Variants in TACC1 observed in about 807,000 individuals in gnomAD.
TACC1 encodes the protein transforming acidic coiled-coil containing protein 1, also known as transforming acidic coiled-coil-containing protein 1.
In TACC1, 48 loss-of-function variants were observed where a neutral mutation model predicts 84.4. The ratio of observed to expected loss-of-function variants is 0.57; its 90% CI spans 0.45 to 0.72. The LOEUF (loss-of-function observed/expected upper bound fraction) is 0.72. Among genes scored for constraint, TACC1 ranks in the 30% least tolerant of loss-of-function variants. The pLI is 0.00. For missense variants in TACC1, 920 were observed against 973.0 expected (o/e 0.95, Z 0.72); for synonymous variants, 372 against 376.3 (o/e 0.99, Z 0.13).
chr8:38,814,662 A>G (rs1825009015), intron 2 of TACC1, among the ~76,000 whole-genome samples: 1 of 152,248 alleles, frequency 6.6e-6, no homozygotes, highest in South Asian at 2.1e-4. Context: ...TAAGCAACAC[A>G]TAACTGTATT....
At chr8:38,783,094 CTATCTATCTATCTATA>C (rs199882241), upstream of TACC1, among the ~76,000 whole-genome samples, 564 of 116,778 alleles carry the variant, frequency 4.8e-3, 17 homozygotes, top group East Asian at 0.084. Flanking sequence ...ATCTATCTAT[CTATCTATCTATCTATA>C]TATATATATA....
intron 3 of TACC1, among the ~76,000 whole-genome samples, chr8:38,755,033 G>T (rs1306460583): frequency 6.6e-6 from 1 of 152,004 alleles, no homozygotes; most frequent in African/African-American, 2.4e-5. Context: ...GATGGTGCGC[G>T]CCTGTAGTCA....
chr8:38,832,461 T>C (rs867674250), intron 6 of TACC1, among the ~76,000 whole-genome samples: 3 of 152,376 alleles, frequency 2.0e-5, no homozygotes, highest in Middle Eastern at 3.4e-3. Context: ...TAATTTCTGC[T>C]TCCTTAGAAC....
At chr8:38,791,191 G>C (rs1341805995) in intron 2 of TACC1, among the ~76,000 whole-genome samples, 1 of 152,014 alleles carries the variant, frequency 6.6e-6, no homozygotes. Context: ...GGATGACCTA[G>C]GCCCCCAAAA....
intron 1 of TACC1, among the ~76,000 whole-genome samples, chr8:38,734,492 G>A (rs890597865): frequency 2.6e-5 from 4 of 152,142 alleles, no homozygotes; most frequent in African/African-American, 7.2e-5. Flanking sequence ...CACACGCCTG[G>A]CCATAAGCCT....
At chr8:38,792,728 G>C (rs544062548) in intron 2 of TACC1, among the ~76,000 whole-genome samples, 3 of 152,142 alleles carry the variant, frequency 2.0e-5, no homozygotes, top group African/African-American at 7.2e-5. Context: ...GCCTCCCAAA[G>C]TGCTGGGATT....
exon 2 of TACC1, chr8:38,742,449 A>G: frequency 6.5e-7 from 1 of 1,529,196 alleles, no homozygotes; most frequent in African/African-American, 1.4e-5. Flanking sequence ...CAAACCATCA[A>G]AGGTAATTCT....
At position 38,787,751 on chromosome 8, in the gene TACC1, C is replaced by T. The variant is rs1452397220; in HGVS notation, c.161+8C>T. ...CAAATCCTTGAGTTTCAGGCAAGTA[C>T]ACGGCGTCCCCGCTGAGATGCAGAC... On this transcript the variant is annotated splice_region_variant and intron_variant, in intron 1 of 12. Transcript: ENST00000317827. The T allele has an allele frequency of 1.3e-6, 2 of 1,521,556 alleles. No homozygotes were observed. Among genetic ancestry groups the T allele is most frequent in the Non-Finnish European group, 1.7e-6 (2 of 1,143,288 alleles). The allele number at this position is 1,521,556 out of a possible 1,614,324, so 94.3% of individuals were successfully genotyped here.
chr8:38,778,389 GT>G (rs1172437621), intron 3 of TACC1, among the ~76,000 whole-genome samples: 5 of 152,076 alleles, frequency 3.3e-5, no homozygotes, highest in African/African-American at 9.7e-5. Flanking sequence ...GTTTTATCCA[GT>G]TTCCAACAGT....
chr8:38,830,178 T>G (rs940969655), intron 5 of TACC1, among the ~76,000 whole-genome samples: 1 of 152,258 alleles, frequency 6.6e-6, no homozygotes, highest in African/African-American at 2.4e-5. Flanking sequence ...TAGTAGTTAG[T>G]GATTGCCATG....
intron 3 of TACC1, among the ~76,000 whole-genome samples, chr8:38,770,807 ACT>A (rs1343374767): frequency 6.6e-6 from 1 of 151,928 alleles, no homozygotes; most frequent in Admixed American, 6.6e-5. Flanking sequence ...AGTCGGGGGA[ACT>A]CTTTAAATGC....
At chr8:38,766,262 T>A (rs1812228204) in intron 3 of TACC1, among the ~76,000 whole-genome samples, 1 of 152,262 alleles carries the variant, frequency 6.6e-6, no homozygotes, top group Non-Finnish European at 1.5e-5. Flanking sequence ...TTTCATTGTT[T>A]GTACAATTGT....
chr8:38,798,553 T>C (rs1346006433), intron 2 of TACC1, among the ~76,000 whole-genome samples: 1 of 151,096 alleles, frequency 6.6e-6, no homozygotes, highest in Non-Finnish European at 1.5e-5. Flanking sequence ...TGTTTGGGGG[T>C]TTTTTGGAGG....
At chr8:38,831,010 C>T (rs1041901816) in intron 5 of TACC1, 115 bp from the exon 6 acceptor site, 17 of 851,042 alleles carry the variant, frequency 2.0e-5, no homozygotes, top group East Asian at 5.2e-5. Context: ...TCTTAAAATG[C>T]TTTTCATGTG....
At chr8:38,822,062 C>A (rs939812631) in intron 3 of TACC1, among the ~76,000 whole-genome samples, 6 of 151,892 alleles carry the variant, frequency 4.0e-5, no homozygotes, top group Non-Finnish European at 1.5e-5. Flanking sequence ...CCCACACACA[C>A]CGATTCCCTG....
At position 38,848,959 on chromosome 8, in the gene TACC1, A is replaced by G. The variant is rs1241233980; in HGVS notation, c.*936A>G. 1.4e-5 allele frequency: 2 copies of G among 141,448 alleles called. No homozygotes were observed. Among genetic ancestry groups the G allele is most frequent in the Non-Finnish European group, 3.1e-5 (2 of 63,982 alleles). 8.8% of individuals were successfully genotyped at this position (141,448 alleles called of 1,614,324 possible). A position where few individuals can be genotyped will look rare whatever the true frequency, so the allele number is the denominator to read the frequency against. ...ACAGAATCAACATTTAGTCTTCATT[A>G]TCTTTTTTTTTTTTTTTGAGACAGA... On this transcript the variant is annotated 3_prime_UTR_variant, in exon 13 of 13. Transcript: ENST00000317827.
chr8:38,740,098 C>T (rs147209537), intron 1 of TACC1, among the ~76,000 whole-genome samples: 133 of 152,278 alleles, frequency 8.7e-4, no homozygotes, highest in African/African-American at 3.0e-3. Context: ...CCTTTCTTGG[C>T]GAGAGATCTG....
At chr8:38,746,641 T>G (rs1054201392) in intron 3 of TACC1, among the ~76,000 whole-genome samples, 2 of 152,174 alleles carry the variant, frequency 1.3e-5, no homozygotes, top group African/African-American at 4.8e-5. Context: ...ACTCTTTCCT[T>G]TAACATGTCC....
chr8:38,818,878 A>G (rs1826039920), intron 2 of TACC1, among the ~76,000 whole-genome samples: 1 of 151,736 alleles, frequency 6.6e-6, no homozygotes, highest in Admixed American at 6.6e-5. Context: ...CCCGGGTTCA[A>G]GTGATTCTCC....
Sources: gnomAD v4.1 joint callset for allele counts (sites outside exome capture counted in the v4.1 genomes callset) on GRCh38, gnomAD v4.1.1 for gene constraint, MANE v1.5 for transcripts, NCBI Gene and HGNC (gene_info 2026-07-23, HGNC 2026-07-21) for gene names.